Variants in CFAP20DC observed in about 807,000 individuals in gnomAD.
The protein encoded by CFAP20DC is protein CFAP20DC.
Under a neutral mutation model 101.7 loss-of-function variants are expected in CFAP20DC, and 84 were observed. The ratio of observed to expected loss-of-function variants is 0.83; its 90% CI spans 0.69 to 0.99. The LOEUF is 0.99. Among genes scored for constraint, CFAP20DC ranks in the 50% least tolerant of loss-of-function variants. CFAP20DC has a pLI of 0.00. For missense variants in CFAP20DC, 1,007 were observed against 970.3 expected (o/e 1.04, Z -0.50); for synonymous variants, 359 against 351.2 (o/e 1.02, Z -0.25).
chr3:58,925,891 G>A (rs1410350517), intron 5 of CFAP20DC, among the ~76,000 whole-genome samples: 1 of 152,102 alleles, frequency 6.6e-6, no homozygotes, highest in Non-Finnish European at 1.5e-5. Flanking sequence ...TAAAAATGGG[G>A]TGACCCTAAA....
chr3:58,907,484 C>A (rs1425749653), intron 6 of CFAP20DC, among the ~76,000 whole-genome samples: 1 of 152,208 alleles, frequency 6.6e-6, no homozygotes, highest in African/African-American at 2.4e-5. Context: ...TGTTTAACAT[C>A]TGCACACTGC....
At chr3:59,031,793 A>G (rs373025390) in intron 4 of CFAP20DC, among the ~76,000 whole-genome samples, 1 of 152,324 alleles carries the variant, frequency 6.6e-6, no homozygotes, top group East Asian at 1.9e-4. Context: ...AAAGAAATGA[A>G]TATTTCTCAA....
At chr3:58,753,988 GA>G (rs2068750898) in intron 15 of CFAP20DC, 125 bp from the exon 16 acceptor site, 2 of 621,694 alleles carry the variant, frequency 3.2e-6, no homozygotes, top group Admixed American at 3.2e-5. Context: ...TCATATTTCA[GA>G]AAGACAGATG....
intron 5 of CFAP20DC, among the ~76,000 whole-genome samples, chr3:58,930,253 G>T (rs925676054): frequency 6.6e-6 from 1 of 152,124 alleles, no homozygotes; most frequent in Non-Finnish European, 1.5e-5. Context: ...TGCCCCCACA[G>T]TCCTCACTAA....
In CFAP20DC at chr3:58,914,870, C is replaced by A. The variant is rs997245725; in HGVS notation, c.394-1006G>T. On this transcript the variant is annotated intron_variant, in intron 5 of 16. Transcript: ENST00000482387. The surrounding 1 kb of genome is among the most constrained non-coding windows in gnomAD (Gnocchi z 4.9). The stretch of plus-strand genomic sequence containing the variant: ...TGTCTCAACAGTAAAATTACATTTG[C>A]AGGCTGTGGCAACGCTCTGGTCTTT... The A allele has an allele frequency of 6.6e-6, 1 of 151,860 alleles. No individual in the cohort carries two copies. Among genetic ancestry groups the A allele is most frequent in the Non-Finnish European group, 1.5e-5 (1 of 67,978 alleles). 9.4% of individuals were successfully genotyped at this position (151,860 alleles called of 1,614,324 possible).
In CFAP20DC at chr3:58,788,162, AG is replaced by A. The variant is rs2072537562; in HGVS notation, c.2237+18232del. 6.6e-6 allele frequency among the ~76,000 whole-genome samples: 1 copy of A among 151,894 alleles called. No homozygotes were observed. Among genetic ancestry groups the A allele is most frequent in the African/African-American group, 2.4e-5 (1 of 41,392 alleles). ...TACAATTTAAAAAAAAAAAAGAGGA[AG>A]AAAACACTAAAAAACAAAGCAAAAC... On this transcript the variant is annotated intron_variant, in intron 15 of 16. Coordinates refer to ENST00000482387, the MANE Select transcript of CFAP20DC (RefSeq NM_001394063.1). This position sits in a 1 kb window ranked among gnomAD's most constrained non-coding sequence, Gnocchi z 4.2.
rs951879703 is a variant in CFAP20DC, at chr3:58,914,107, G to C, written c.394-243C>G. 1.3e-5 allele frequency among the ~76,000 whole-genome samples: 2 copies of C among 152,100 alleles called. No individual in the cohort carries two copies. The highest frequency in any genetic ancestry group is 2.4e-5 in the African/African-American group (1 of 41,434). On this transcript the variant is annotated intron_variant, in intron 5 of 16. Transcript: ENST00000482387. The surrounding 1 kb of genome is among the most constrained non-coding windows in gnomAD (Gnocchi z 4.9). ...TCTGACTACAGAATTCCCATCATGAGACAAGACTATGACAACTTTGGGAAA... is the reference window on the plus strand; with the variant it reads ...TCTGACTACAGAATTCCCATCATGACACAAGACTATGACAACTTTGGGAAA...
At chr3:58,773,313 G>C in intron 15 of CFAP20DC, among the ~76,000 whole-genome samples, 1 of 151,552 alleles carries the variant, frequency 6.6e-6, no homozygotes, top group African/African-American at 2.4e-5. Flanking sequence ...CACTTTGGGA[G>C]GCTGAGGCTG....
At chr3:58,733,023 C>G (rs766459919) in intron 3 of CFAP20DC, among the ~76,000 whole-genome samples, 1 of 152,200 alleles carries the variant, frequency 6.6e-6, no homozygotes, top group Non-Finnish European at 1.5e-5. Flanking sequence ...GAGAGCCAGT[C>G]TGAAATTGTA....
chr3:58,876,372 T>G (rs1354969202), intron 7 of CFAP20DC, among the ~76,000 whole-genome samples: 1 of 152,044 alleles, frequency 6.6e-6, no homozygotes, highest in Admixed American at 6.6e-5. Context: ...GAGACAAAGT[T>G]TCCATAATGA....
At chr3:58,871,511 A>T (rs574803067) in intron 7 of CFAP20DC, among the ~76,000 whole-genome samples, 1 of 150,452 alleles carries the variant, frequency 6.6e-6, no homozygotes, top group South Asian at 2.1e-4. Context: ...TATGGGCCGC[A>T]TGACTGAATT....
At chr3:58,807,205 G>C (rs2074155662) in intron 14 of CFAP20DC, among the ~76,000 whole-genome samples, 1 of 152,196 alleles carries the variant, frequency 6.6e-6, no homozygotes, top group Non-Finnish European at 1.5e-5. Context: ...CAGCTTTGAA[G>C]AGAGCAGTGG....
chr3:58,820,217 C>G (rs1365563085), intron 14 of CFAP20DC, among the ~76,000 whole-genome samples: 1 of 150,256 alleles, frequency 6.7e-6, no homozygotes, highest in Non-Finnish European at 1.5e-5. Flanking sequence ...GAAGCATTCC[C>G]TTTGAAAACT....
rs1385565981 is a variant in CFAP20DC at position 58,914,719 on chromosome 3, T to C, written c.394-855A>G. Among the ~76,000 whole-genome samples the C allele has an allele frequency of 6.6e-6, 1 of 150,770 alleles. No homozygotes were observed. The highest frequency in any genetic ancestry group is 1.5e-5 in the Non-Finnish European group (1 of 67,710). On this transcript the variant is annotated intron_variant, in intron 5 of 16. Coordinates refer to ENST00000482387, the MANE Select transcript of CFAP20DC (RefSeq NM_001394063.1). The surrounding 1 kb of genome is among the most constrained non-coding windows in gnomAD (Gnocchi z 4.9). The stretch of plus-strand genomic sequence containing the variant: ...TTTTTTTCTTTTTTTTAAAGACAAA[T>C]CTTATATATCTAGGAATGCTGATTT...
At chr3:59,036,489 A>G (rs954078549) in intron 4 of CFAP20DC, among the ~76,000 whole-genome samples, 1 of 152,204 alleles carries the variant, frequency 6.6e-6, no homozygotes, top group African/African-American at 2.4e-5. Flanking sequence ...AAGCACTCCT[A>G]TACACCAATA....
At chr3:58,876,101 C>G (rs1053922874) in intron 7 of CFAP20DC, among the ~76,000 whole-genome samples, 2 of 152,016 alleles carry the variant, frequency 1.3e-5, no homozygotes, top group Non-Finnish European at 2.9e-5. Flanking sequence ...ATTTGGTACA[C>G]TTTATTTTTC....
At position 58,892,038 on chromosome 3, in the gene CFAP20DC, A is replaced by G. The variant is rs763603334; in HGVS notation, c.551-7329T>C. Among the ~76,000 whole-genome samples, 1 of 152,228 alleles carries G rather than the reference A, an allele frequency of 6.6e-6. No individual in the cohort carries two copies. Among genetic ancestry groups the G allele is most frequent in the Non-Finnish European group, 1.5e-5 (1 of 68,028 alleles). ...GGTGTAAGAAAGGGGTCCAGCTTCAATCTGATGCATATGGCTAACCAGTTA... is the reference window on the plus strand; with the variant it reads ...GGTGTAAGAAAGGGGTCCAGCTTCAGTCTGATGCATATGGCTAACCAGTTA... On this transcript the variant is annotated intron_variant, in intron 6 of 16. Coordinates refer to ENST00000482387, the MANE Select transcript of CFAP20DC (RefSeq NM_001394063.1). This position sits in a 1 kb window ranked among gnomAD's most constrained non-coding sequence, Gnocchi z 4.0.
At chr3:58,856,622 T>A (rs942803609) in intron 12 of CFAP20DC, among the ~76,000 whole-genome samples, 2 of 152,110 alleles carry the variant, frequency 1.3e-5, no homozygotes, top group Admixed American at 6.5e-5. Flanking sequence ...GTCAGAGCTA[T>A]CTGAAAAAAT....
At chr3:59,038,716 C>A (rs2109211263) in intron 4 of CFAP20DC, among the ~76,000 whole-genome samples, 1 of 152,130 alleles carries the variant, frequency 6.6e-6, no homozygotes, top group African/African-American at 2.4e-5. Context: ...GAACAAACCC[C>A]ATATAAGATG....
Sources: allele counts gnomAD v4.1 joint callset (sites outside exome capture counted in the v4.1 genomes callset), GRCh38; gene constraint gnomAD v4.1.1; non-coding constraint Gnocchi (gnomAD v3.1); transcripts MANE v1.5; gene names NCBI Gene and HGNC (gene_info 2026-07-23, HGNC 2026-07-21).